Variants in PCDH11Y observed in about 807,000 individuals in gnomAD.
The protein encoded by PCDH11Y is protocadherin-11 Y-linked.
For missense variants in PCDH11Y, 12 were observed against 224.8 expected (o/e 0.05, Z 6.05); for synonymous variants, 9 against 83.6 (o/e 0.11, Z 4.87).
At chrY:5,508,592 G>A (rs2053361245) in intron 3 of PCDH11Y, among the ~76,000 whole-genome samples, 1 of 33,085 alleles carries the variant, frequency 3.0e-5, no homozygotes. Flanking sequence ...CTGAAAGGCT[G>A]GTAATTTTAA....
intron 2 of PCDH11Y, among the ~76,000 whole-genome samples, chrY:5,399,523 G>A (rs2053230290): frequency 5.0e-5 from 1 of 20,136 alleles, no homozygotes; most frequent in Non-Finnish European, 1.1e-4. Flanking sequence ...TTTTTGAGAC[G>A]GAGTTTCACT....
At chrY:5,434,559 T>TCA (rs2053272000) in intron 2 of PCDH11Y, among the ~76,000 whole-genome samples, 1 of 30,966 alleles carries the variant, frequency 3.2e-5, no homozygotes. Flanking sequence ...TCTCTCTCTG[T>TCA]CACACACACA....
At chrY:5,166,453 A>T in intron 2 of PCDH11Y, among the ~76,000 whole-genome samples, 1 of 23,427 alleles carries the variant, frequency 4.3e-5, no homozygotes, top group East Asian at 1.1e-3. Context: ...CCATGAAAAG[A>T]CATGGAGGAA....
At chrY:5,292,350 G>C in intron 2 of PCDH11Y, among the ~76,000 whole-genome samples, 1 of 33,130 alleles carries the variant, frequency 3.0e-5, no homozygotes, top group African/African-American at 1.2e-4. Context: ...TAAATGTCTG[G>C]TAGAATTCAG....
chrY:5,044,360 C>T (rs1602846584), intron 3 of PCDH11Y, among the ~76,000 whole-genome samples: 2 of 33,087 alleles, frequency 6.0e-5, no homozygotes, highest in East Asian at 8.1e-4. Flanking sequence ...GCCTTCATTT[C>T]GTTATGTACC....
chrY:5,630,275 C>A, intron 4 of PCDH11Y, among the ~76,000 whole-genome samples: 2 of 33,476 alleles, frequency 6.0e-5, no homozygotes, highest in Non-Finnish European at 1.5e-4. Flanking sequence ...GGCCAATACA[C>A]ATTCATATGC....
chrY:5,603,942 AAAG>A, intron 4 of PCDH11Y, among the ~76,000 whole-genome samples: 1 of 31,724 alleles, frequency 3.2e-5, no homozygotes, highest in Non-Finnish European at 7.7e-5. Flanking sequence ...GAAAGAAAGA[AAAG>A]AAAGAGAAAG....
chrY:5,258,757 G>T (rs2053014177), intron 2 of PCDH11Y, among the ~76,000 whole-genome samples: 1 of 33,075 alleles, frequency 3.0e-5, no homozygotes, highest in African/African-American at 1.2e-4. Context: ...ATGTGCTGAA[G>T]AAAAGGATGC....
Position 5,122,219 on chromosome Y carries a change from C to G in PCDH11Y, c.3129+21512C>G. ...AGGGGTCTCCTTTATTCCATGTATACTATTCCCTACCTCCATTGTGGAGTA... is the reference window on the plus strand; with the variant it reads ...AGGGGTCTCCTTTATTCCATGTATAGTATTCCCTACCTCCATTGTGGAGTA... On this transcript the variant is annotated intron_variant, in intron 2 of 4. Coordinates refer to the PCDH11Y transcript ENST00000400457. Among the ~76,000 whole-genome samples, 3 of 33,140 alleles carry G rather than the reference C, an allele frequency of 9.1e-5. No individual in the cohort carries two copies. In the East Asian group the frequency reaches 2.4e-3, roughly 27 times the overall value. The allele number at this position is 33,140 out of a possible 37,273, so 88.9% of individuals were successfully genotyped here. A position where few individuals can be genotyped will look rare whatever the true frequency, so the allele number is the denominator to read the frequency against.
chrY:5,102,584 CAT>C (rs2052781525), downstream of PCDH11Y, among the ~76,000 whole-genome samples: 1 of 31,449 alleles, frequency 3.2e-5, no homozygotes, highest in African/African-American at 1.2e-4. Flanking sequence ...TTTATGAACA[CAT>C]AGCAAGGAGG....
At chrY:5,083,184 C>T (rs2571981) in intron 1 of PCDH11Y, among the ~76,000 whole-genome samples, 4 of 33,551 alleles carry the variant, frequency 1.2e-4, no homozygotes, top group East Asian at 8.1e-4. Context: ...CATGATTTCC[C>T]GAGCAGAGTA....
chrY:5,731,325 G>A (rs2124715239), intron 4 of PCDH11Y, among the ~76,000 whole-genome samples: 1 of 32,992 alleles, frequency 3.0e-5, no homozygotes, highest in South Asian at 6.7e-4. Flanking sequence ...ATCTGTTCAC[G>A]GTTTCAATCT....
chrY:5,492,967 T>G, intron 2 of PCDH11Y, among the ~76,000 whole-genome samples: 1 of 32,888 alleles, frequency 3.0e-5, no homozygotes, highest in Non-Finnish European at 7.5e-5. Context: ...CCAGAATGGG[T>G]CTAAACAAAT....
intron 3 of PCDH11Y, among the ~76,000 whole-genome samples, chrY:5,561,410 GTGGAATGATA>G (rs2053428431): frequency 3.2e-5 from 1 of 31,264 alleles, no homozygotes; most frequent in African/African-American, 1.3e-4. Context: ...TGCACCAGGG[GTGGAATGATA>G]TGGTTTGGCT....
At chrY:5,511,971 G>A (rs2124689057) in intron 3 of PCDH11Y, among the ~76,000 whole-genome samples, 1 of 32,666 alleles carries the variant, frequency 3.1e-5, no homozygotes, top group South Asian at 7.0e-4. Context: ...ATGAAGAGAA[G>A]CATTCTATTG....
chrY:5,035,579 G>A, intron 3 of PCDH11Y, among the ~76,000 whole-genome samples: 16 of 32,070 alleles, frequency 5.0e-4, no homozygotes, highest in Non-Finnish European at 8.4e-4. Context: ...TATATTGCAC[G>A]TATCCAATTA....
intron 2 of PCDH11Y, among the ~76,000 whole-genome samples, chrY:5,219,312 C>T: frequency 3.1e-5 from 1 of 32,545 alleles, no homozygotes; most frequent in Non-Finnish European, 7.6e-5. Context: ...AATGGCTGTA[C>T]GAATTTACAT....
At chrY:5,424,041 T>C in intron 2 of PCDH11Y, among the ~76,000 whole-genome samples, 1 of 33,617 alleles carries the variant, frequency 3.0e-5, no homozygotes, top group Non-Finnish European at 7.4e-5. Flanking sequence ...GGATTTTCCC[T>C]CCACTAAGGA....
At chrY:5,612,921 A>G (rs2053489212) in intron 4 of PCDH11Y, among the ~76,000 whole-genome samples, 1 of 27,058 alleles carries the variant, frequency 3.7e-5, no homozygotes, top group Non-Finnish European at 8.6e-5. Context: ...GCTGGAGTGC[A>G]ATGGCATGAT....
Sources: gnomAD v4.1 joint callset for allele counts (sites outside exome capture counted in the v4.1 genomes callset) on GRCh38, gnomAD v4.1.1 for gene constraint, MANE v1.5 for transcripts, NCBI Gene and HGNC (gene_info 2026-07-23, HGNC 2026-07-21) for gene names.